The following MTUS2 variants were observed in gnomAD, a reference collection of about 807,000 sequenced individuals.
MTUS2 encodes the protein microtubule-associated tumor suppressor candidate 2.
In MTUS2, 40 loss-of-function variants were observed where a neutral mutation model predicts 114.1. The observed-to-expected ratio is 0.35, with a 90% CI of 0.27 to 0.46. MTUS2 has a LOEUF of 0.46. MTUS2 is among the 20% of genes least tolerant of loss of function. The pLI is 1.00. For missense variants in MTUS2, 1,679 were observed against 1,705.4 expected (o/e 0.98, Z 0.27); for synonymous variants, 688 against 672.0 (o/e 1.02, Z -0.37).
At chr13:29,047,044 C>T (rs1250730603) in intron 4 of MTUS2, among the ~76,000 whole-genome samples, 1 of 152,232 alleles carries the variant, frequency 6.6e-6, no homozygotes, top group Non-Finnish European at 1.5e-5. Flanking sequence ...CTCACGGTGA[C>T]TGGCCAAGGA....
At chr13:29,087,739 CTG>C (rs1458321688) in intron 4 of MTUS2, among the ~76,000 whole-genome samples, 1 of 152,128 alleles carries the variant, frequency 6.6e-6, no homozygotes, top group Non-Finnish European at 1.5e-5. Flanking sequence ...TCCAGTTCCT[CTG>C]GGTATAATGT....
intron 2 of MTUS2, among the ~76,000 whole-genome samples, chr13:28,889,041 T>C (rs933596947): frequency 6.6e-6 from 1 of 152,194 alleles, no homozygotes; most frequent in African/African-American, 2.4e-5. Flanking sequence ...CAACCAAGTA[T>C]CTACTTGGAA....
intron 5 of MTUS2, among the ~76,000 whole-genome samples, chr13:29,184,642 G>A (rs1324704564): frequency 6.6e-6 from 1 of 152,162 alleles, no homozygotes; most frequent in Non-Finnish European, 1.5e-5. Flanking sequence ...GGCAATCTCT[G>A]TCCAATCATT....
rs532920401 is a variant in MTUS2 at position 29,100,544 on chromosome 13, G to T, written c.2447-229G>T. ...ATCTGCCTAAGTAGACGGTAAATTT[G>T]TCCAGGCTGGGGCTGCACCACCTCC... On this transcript the variant is annotated intron_variant, in intron 4 of 15. Transcript: ENST00000612955. 2.4e-4 allele frequency among the ~76,000 whole-genome samples: 36 copies of T among 152,178 alleles called. 1 individual carries two copies. Among genetic ancestry groups the T allele is most frequent in the Middle Eastern group, 3.4e-3 (1 of 294 alleles).
At chr13:29,005,215 G>A (rs985438647) in intron 2 of MTUS2, among the ~76,000 whole-genome samples, 1 of 152,206 alleles carries the variant, frequency 6.6e-6, no homozygotes, top group African/African-American at 2.4e-5. Context: ...CCTGTGGACA[G>A]TGATGAGTAC....
At chr13:29,135,884 A>C (rs1285131279) in intron 5 of MTUS2, among the ~76,000 whole-genome samples, 1 of 152,210 alleles carries the variant, frequency 6.6e-6, no homozygotes, top group Non-Finnish European at 1.5e-5. Context: ...GTGTGTCCAA[A>C]AACATAAACT....
intron 4 of MTUS2, among the ~76,000 whole-genome samples, chr13:29,096,149 C>G (rs1427008642): frequency 6.6e-6 from 1 of 152,144 alleles, no homozygotes; most frequent in Non-Finnish European, 1.5e-5. Flanking sequence ...ATTTGTTTAA[C>G]AACTTGGTTG....
chr13:29,464,971 G>C (rs1188793218), intron 9 of MTUS2, among the ~76,000 whole-genome samples: 2 of 152,226 alleles, frequency 1.3e-5, no homozygotes, highest in Non-Finnish European at 2.9e-5. Flanking sequence ...GCAGTTAAAG[G>C]CATAGATTTG....
chr13:28,996,901 C>T (rs1412600200), intron 2 of MTUS2, among the ~76,000 whole-genome samples: 2 of 152,166 alleles, frequency 1.3e-5, no homozygotes, highest in Non-Finnish European at 2.9e-5. Context: ...CTATTTCCTT[C>T]AGTTCTGCTC....
At chr13:29,172,300 G>A (rs1364246097) in intron 5 of MTUS2, among the ~76,000 whole-genome samples, 1 of 152,162 alleles carries the variant, frequency 6.6e-6, no homozygotes. Context: ...AAACATGCTG[G>A]CTTCTATTCT....
intron 6 of MTUS2, among the ~76,000 whole-genome samples, chr13:29,314,873 C>T (rs922667203): frequency 1.3e-5 from 2 of 152,190 alleles, no homozygotes; most frequent in African/African-American, 2.4e-5. Context: ...TATCTGGACT[C>T]TTGTGTTTAT....
intron 2 of MTUS2, among the ~76,000 whole-genome samples, chr13:28,891,858 CA>C (rs1169875500): frequency 0.031 from 1,608 of 52,174 alleles, 13 homozygotes; most frequent in African/African-American, 0.092. Context: ...GACTCTGTCT[CA>C]AAAAAAAAAA....
At chr13:28,915,095 G>A (rs1366587418) in intron 2 of MTUS2, among the ~76,000 whole-genome samples, 1 of 151,734 alleles carries the variant, frequency 6.6e-6, no homozygotes, top group African/African-American at 2.4e-5. Flanking sequence ...TTGCATTTAA[G>A]GTTAATATTG....
At chr13:29,402,565 G>T (rs1240445065) in intron 8 of MTUS2, among the ~76,000 whole-genome samples, 1 of 152,084 alleles carries the variant, frequency 6.6e-6, no homozygotes, top group East Asian at 1.9e-4. Context: ...TTGCAGGGGT[G>T]GGAAGCAAGG....
At chr13:29,397,549 C>G (rs1048353763) in intron 8 of MTUS2, among the ~76,000 whole-genome samples, 1 of 152,240 alleles carries the variant, frequency 6.6e-6, no homozygotes, top group Non-Finnish European at 1.5e-5. Context: ...CAGTCAGAAT[C>G]TGCATTCTAG....
intron 2 of MTUS2, among the ~76,000 whole-genome samples, chr13:28,875,411 C>T (rs1306186697): frequency 6.6e-6 from 1 of 152,210 alleles, no homozygotes; most frequent in Non-Finnish European, 1.5e-5. Context: ...AAGCTCCAAA[C>T]TTAGATAAAG....
At chr13:29,426,471 C>T (rs535021605) in intron 8 of MTUS2, among the ~76,000 whole-genome samples, 2 of 152,284 alleles carry the variant, frequency 1.3e-5, no homozygotes, top group South Asian at 2.1e-4. Context: ...CATTGTAGTG[C>T]GAATCCAGAA....
intron 4 of MTUS2, among the ~76,000 whole-genome samples, chr13:29,040,694 G>T (rs1398407108): frequency 1.3e-5 from 2 of 152,206 alleles, no homozygotes; most frequent in Admixed American, 1.3e-4. Flanking sequence ...GTTTTGATTT[G>T]CATCTCCCTG....
intron 7 of MTUS2, among the ~76,000 whole-genome samples, chr13:29,349,494 T>G (rs1869039673): frequency 6.6e-6 from 1 of 152,144 alleles, no homozygotes; most frequent in Non-Finnish European, 1.5e-5. Flanking sequence ...TTTTATTTCT[T>G]TGTGTAGATC....
Sources: gnomAD v4.1 joint callset for allele counts (sites outside exome capture counted in the v4.1 genomes callset) on GRCh38, gnomAD v4.1.1 for gene constraint, MANE v1.5 for transcripts, NCBI Gene and HGNC (gene_info 2026-07-23, HGNC 2026-07-21) for gene names.